The following GCFC2 variants were observed in gnomAD, a reference collection of about 807,000 sequenced individuals.
GCFC2 encodes the protein GC-rich sequence DNA-binding factor 2, also known as intron Large complex component GCFC2.
In GCFC2, 102 loss-of-function variants were observed where a neutral mutation model predicts 99.4. The ratio of observed to expected loss-of-function variants is 1.03; its 90% CI spans 0.87 to 1.21. The LOEUF is 1.21. Ranked by LOEUF, GCFC2 falls within the 50% of genes most tolerant of loss-of-function variation. The probability of loss-of-function intolerance (pLI) is 0.00; values close to 1 mark genes in which losing one functional copy is unlikely to be tolerated. For synonymous variants in GCFC2, 338 were observed against 316.8 expected (o/e 1.07, Z -0.71); for missense variants, 973 against 920.9 (o/e 1.06, Z -0.73).
At chr2:75,698,817 G>A (rs1341249657) in intron 4 of GCFC2, among the ~76,000 whole-genome samples, 1 of 151,972 alleles carries the variant, frequency 6.6e-6, no homozygotes, top group Non-Finnish European at 1.5e-5. Context: ...TTTGAGACCA[G>A]CCTAGGCAAC....
At chr2:75,681,480 G>C (rs1182091413) in intron 11 of GCFC2, among the ~76,000 whole-genome samples, 1 of 151,950 alleles carries the variant, frequency 6.6e-6, no homozygotes, top group Non-Finnish European at 1.5e-5. Flanking sequence ...AGGGCTGTGG[G>C]TTTCATGCAC....
intron 13 of GCFC2, among the ~76,000 whole-genome samples, chr2:75,673,064 A>G (rs1242705479): frequency 6.6e-6 from 1 of 152,056 alleles, no homozygotes; most frequent in Non-Finnish European, 1.5e-5. Flanking sequence ...TAATCCCAGC[A>G]CTTTGGGAGG....
chr2:75,680,817 C>T (rs1239969068), intron 11 of GCFC2, among the ~76,000 whole-genome samples: 1 of 152,130 alleles, frequency 6.6e-6, no homozygotes, highest in Non-Finnish European at 1.5e-5. Flanking sequence ...TCCTAATTTG[C>T]TAAGAAAATA....
chr2:75,684,500 G>C (rs1679727157), intron 11 of GCFC2, among the ~76,000 whole-genome samples: 1 of 152,166 alleles, frequency 6.6e-6, no homozygotes, highest in Admixed American at 6.5e-5. Flanking sequence ...GAAATTTATA[G>C]CACTAAATGC....
intron 4 of GCFC2, 74 bp downstream of exon 4, chr2:75,701,116 T>G: frequency 1.6e-5 from 13 of 838,106 alleles, no homozygotes; most frequent in Non-Finnish European, 2.2e-5. Context: ...TGTGTTCTTT[T>G]GAGTCACCAA....
chr2:75,701,759 A>C (rs1328670690), intron 3 of GCFC2: 2 of 594,650 alleles, frequency 3.4e-6, no homozygotes, highest in African/African-American at 2.0e-5. Context: ...ATATATCATA[A>C]ATGAGAAATA....
At chr2:75,711,033 T>C, upstream of GCFC2, 5 of 1,336,794 alleles carry the variant, frequency 3.7e-6, no homozygotes, top group South Asian at 9.9e-5. Flanking sequence ...TCCCTGGATC[T>C]GGTAGGCCGA....
At chr2:75,686,119 T>C (rs1036961336) in intron 11 of GCFC2, among the ~76,000 whole-genome samples, 3 of 152,192 alleles carry the variant, frequency 2.0e-5, no homozygotes, top group African/African-American at 7.2e-5. Context: ...GTATTTAGAT[T>C]TTTTCAGCAG....
Position 75,671,966 on chromosome 2 carries a change from A to C in GCFC2, c.1940T>G (p.Phe647Cys). The change falls in exon 14 of 17, where the codon TTC becomes TGC. Residue 647 changes from phenylalanine to cysteine, a missense_variant. Transcript: ENST00000321027. Reference sequence around the variant, plus strand: ...TTTGCTCACCTTTAGGCCTGACCAGAACTGTCTTTCTTGGAACTTTGAATG... The same window carrying C: ...TTTGCTCACCTTTAGGCCTGACCAGCACTGTCTTTCTTGGAACTTTGAATG... ...SPHSKFQERQ[F>C]WSGLKLFRNI... 6.3e-7 allele frequency: 1 copy of C among 1,587,222 alleles called. No homozygotes were observed. Among genetic ancestry groups the C allele is most frequent in the Non-Finnish European group, 8.6e-7 (1 of 1,157,364 alleles).
intron 2 of GCFC2, among the ~76,000 whole-genome samples, chr2:75,703,234 A>G (rs928475332): frequency 6.6e-6 from 1 of 152,226 alleles, no homozygotes; most frequent in African/African-American, 2.4e-5. Context: ...TTAAAGAAAC[A>G]GCGAGAGAAA....
At chr2:75,710,544 C>T (rs1272389122) in intron 1 of GCFC2, 47 bp downstream of exon 1, 3 of 1,454,252 alleles carry the variant, frequency 2.1e-6, no homozygotes, top group Non-Finnish European at 2.7e-6. Context: ...CGGCCCCTTC[C>T]CGCCCTGTGC....
chr2:75,665,773 C>G (rs1423459554), intron 16 of GCFC2, among the ~76,000 whole-genome samples, 156 bp downstream of exon 16: 1 of 152,110 alleles, frequency 6.6e-6, no homozygotes, highest in Non-Finnish European at 1.5e-5. Flanking sequence ...TATGCATAAG[C>G]CATCCCAAAG....
At chr2:75,695,001 A>G (rs1680244494) in intron 5 of GCFC2, among the ~76,000 whole-genome samples, 1 of 151,892 alleles carries the variant, frequency 6.6e-6, no homozygotes, top group Non-Finnish European at 1.5e-5. Flanking sequence ...TAACAATGAG[A>G]GTGTATGGTC....
At chr2:75,675,252 T>C (rs1029677044) in intron 12 of GCFC2, among the ~76,000 whole-genome samples, 1 of 152,170 alleles carries the variant, frequency 6.6e-6, no homozygotes, top group Non-Finnish European at 1.5e-5. Flanking sequence ...TTAACAAATA[T>C]GCACCCTGTT....
At chr2:75,707,901 C>T (rs907458658) in intron 1 of GCFC2, among the ~76,000 whole-genome samples, 2 of 152,148 alleles carry the variant, frequency 1.3e-5, no homozygotes, top group African/African-American at 2.4e-5. Context: ...AAGCCAGTTG[C>T]TCTTCATGAA....
intron 9 of GCFC2, 55 bp from the exon 10 acceptor site, chr2:75,689,280 T>A: frequency 1.0e-6 from 1 of 964,078 alleles, no homozygotes; most frequent in Non-Finnish European, 1.6e-6. Flanking sequence ...TTAAGTATGC[T>A]TCCTTAAAAA....
Position 75,690,006 on chromosome 2 carries a change from C to T in GCFC2, c.1302G>A (p.Leu434=). The T allele has an allele frequency of 6.2e-7, 1 of 1,606,916 alleles. No individual in the cohort carries two copies. The highest frequency in any genetic ancestry group is 8.5e-7 in the Non-Finnish European group (1 of 1,174,758). ...HQEGTSSDDE[L]PSAEMIDFQK... is the part of the protein sequence containing the mutation. The stretch of plus-strand genomic sequence containing the variant: ...GGAAGTCAATCATCTCTGCTGAAGG[C>T]AGTTCATCATCACTAGATGTTCCTT... Residue 434 remains leucine, a synonymous_variant, in exon 9 of 17, where the codon CTG becomes CTA. Transcript: ENST00000321027.
upstream of GCFC2, chr2:75,711,259 G>T: frequency 1.0e-6 from 1 of 967,674 alleles, no homozygotes; most frequent in Non-Finnish European, 1.2e-6. Flanking sequence ...TCTGGAGAGA[G>T]TGCCCCCTCC....
At position 75,710,458 on chromosome 2, in the gene GCFC2, T is replaced by C. The variant is rs116014579; in HGVS notation, c.265+133A>G. The C allele has an allele frequency of 3.1e-4, 428 of 1,375,884 alleles. 2 individuals are homozygous for C. In the African/African-American group the frequency reaches 6.0e-3, roughly 19 times the overall value. 85.2% of individuals were successfully genotyped at this position (1,375,884 alleles called of 1,614,324 possible). ...TCGCTCACTACCTTCTGGATAAGTCTTTCTGGATAAGACTCAGCATGGCTT... is the reference window on the plus strand; with the variant it reads ...TCGCTCACTACCTTCTGGATAAGTCCTTCTGGATAAGACTCAGCATGGCTT... On this transcript the variant is annotated intron_variant, in intron 1 of 16. Coordinates refer to ENST00000321027, the MANE Select transcript of GCFC2 (RefSeq NM_003203.5).
Sources: gnomAD v4.1 joint callset for allele counts (sites outside exome capture counted in the v4.1 genomes callset) on GRCh38, gnomAD v4.1.1 for gene constraint, MANE v1.5 for transcripts, NCBI Gene and HGNC (gene_info 2026-07-23, HGNC 2026-07-21) for gene names.